The following PMFBP1 variants were observed in gnomAD, a reference collection of about 807,000 sequenced individuals.
The protein encoded by PMFBP1 is polyamine modulated factor 1 binding protein 1, also known as polyamine-modulated factor 1-binding protein 1.
A neutral mutation model predicts 137.8 loss-of-function variants in PMFBP1; 131 were observed. The observed-to-expected ratio is 0.95, with a 90% CI of 0.82 to 1.10. PMFBP1 has a LOEUF of 1.10. Ranked by LOEUF, PMFBP1 falls within the 50% of genes least tolerant of loss-of-function variation. The pLI is 0.00. For synonymous variants in PMFBP1, 490 were observed against 450.4 expected, an observed-to-expected ratio of 1.09 and a Z score of -1.11; for missense variants, 1,199 against 1,175.4, an observed-to-expected ratio of 1.02 and a Z score of -0.29.
At chr16:72,227,752 T>G in the PMFBP1 span, among the ~76,000 whole-genome samples, 2 of 152,168 alleles carry the variant, frequency 1.3e-5, no homozygotes, top group African/African-American at 4.8e-5. Flanking sequence ...TAATCCTCAT[T>G]AAGCCTCAGT....
Position 72,125,319 on chromosome 16 carries a change from G to C in PMFBP1, c.2340C>G (p.Ile780Met). The C allele has an allele frequency of 6.2e-7, 1 of 1,614,108 alleles. No individual in the cohort carries two copies. Among genetic ancestry groups the C allele is most frequent in the Non-Finnish European group, 8.5e-7 (1 of 1,180,010 alleles). ...QEKKAQLEEE[I>M]IAYEERMKKL... ...TTTTCATCCTTTCCTCATAAGCAATGATTTCCTCTTCCAGCTGAGCTTTCT... is the reference window on the plus strand; with the variant it reads ...TTTTCATCCTTTCCTCATAAGCAATCATTTCCTCTTCCAGCTGAGCTTTCT... Residue 780 changes from isoleucine to methionine, a missense_variant, in exon 16 of 21, where the codon ATC becomes ATG. Transcript: ENST00000237353.
chr16:72,187,410 A>G, the PMFBP1 span, among the ~76,000 whole-genome samples: 2 of 152,302 alleles, frequency 1.3e-5, no homozygotes, highest in South Asian at 2.1e-4. Flanking sequence ...CAATGTCTAC[A>G]TGATATTATC....
At chr16:72,171,076 C>T (rs1310524925) in intron 2 of PMFBP1, 121 bp downstream of exon 2, 3 of 1,181,422 alleles carry the variant, frequency 2.5e-6, no homozygotes, top group East Asian at 2.4e-5. Flanking sequence ...TGCTCTGCTG[C>T]CCACCTCTGT....
At chr16:72,247,738 G>C in the PMFBP1 span, among the ~76,000 whole-genome samples, 1 of 152,092 alleles carries the variant, frequency 6.6e-6, no homozygotes, top group Non-Finnish European at 1.5e-5. Context: ...GGGATACAAA[G>C]AGCTTAATTT....
At chr16:72,140,928 C>CTTTTTTTTTTTTTTTTTTTTTT (rs35908141) in intron 5 of PMFBP1, among the ~76,000 whole-genome samples, 1 of 69,796 alleles carries the variant, frequency 1.4e-5, no homozygotes, top group African/African-American at 5.8e-5. Flanking sequence ...ACAAATGAGT[C>CTTTTTTTTTTTTTTTTTTTTTT]TTTTTTTTTT....
the PMFBP1 span, among the ~76,000 whole-genome samples, chr16:72,191,203 AT>A: frequency 6.6e-6 from 1 of 152,210 alleles, no homozygotes; most frequent in Admixed American, 6.5e-5. Context: ...CAGATTCTGT[AT>A]TTTATTAAAG....
At chr16:72,213,165 G>C in the PMFBP1 span, among the ~76,000 whole-genome samples, 2 of 144,328 alleles carry the variant, frequency 1.4e-5, no homozygotes, top group Non-Finnish European at 3.0e-5. Flanking sequence ...ACTCTCACTA[G>C]AGATTAACTG....
At chr16:72,134,566 G>A (rs1263442473) in intron 9 of PMFBP1, among the ~76,000 whole-genome samples, 1 of 152,172 alleles carries the variant, frequency 6.6e-6, no homozygotes, top group Non-Finnish European at 1.5e-5. Flanking sequence ...TTAGAAAAAG[G>A]AGGGAGTCCT....
chr16:72,154,155 T>C, intron 4 of PMFBP1, 56 bp downstream of exon 4: 1 of 1,589,608 alleles, frequency 6.3e-7, no homozygotes, highest in South Asian at 1.1e-5. Context: ...GGGCTTGGTC[T>C]GATTTCTGCA....
intron 14 of PMFBP1, 51 bp from the exon 15 acceptor site, chr16:72,126,183 G>C: frequency 6.3e-7 from 1 of 1,587,358 alleles, no homozygotes; most frequent in South Asian, 1.1e-5. Flanking sequence ...GGGTCATAGA[G>C]GCATTCTCTG....
chr16:72,231,312 T>C, the PMFBP1 span, among the ~76,000 whole-genome samples: 1 of 152,146 alleles, frequency 6.6e-6, no homozygotes, highest in Non-Finnish European at 1.5e-5. Flanking sequence ...ACACATACAT[T>C]ACTACAGTCT....
the PMFBP1 span, among the ~76,000 whole-genome samples, chr16:72,230,041 T>C: frequency 6.6e-6 from 1 of 152,182 alleles, no homozygotes; most frequent in Admixed American, 6.5e-5. Context: ...TATTTTCTCA[T>C]CTGTAAATGG....
the PMFBP1 span, among the ~76,000 whole-genome samples, chr16:72,243,290 A>C: frequency 6.6e-6 from 1 of 152,184 alleles, no homozygotes; most frequent in African/African-American, 2.4e-5. Context: ...CCTTCCTTAC[A>C]ATGAGGCACC....
the PMFBP1 span, among the ~76,000 whole-genome samples, chr16:72,198,674 A>G: frequency 6.6e-6 from 1 of 152,156 alleles, no homozygotes; most frequent in South Asian, 2.1e-4. Context: ...GTGCTGAAAT[A>G]TAATTCCCAC....
intron 3 of PMFBP1, among the ~76,000 whole-genome samples, chr16:72,157,099 A>C (rs1047755750): frequency 6.7e-6 from 1 of 149,588 alleles, no homozygotes; most frequent in African/African-American, 2.5e-5. Context: ...TGAGGCAGGA[A>C]AATGGCGTGA....
At position 72,128,684 on chromosome 16, in the gene PMFBP1, C is replaced by T; in HGVS notation, c.2061G>A (p.Gln687=). The T allele has an allele frequency of 4.3e-6, 7 of 1,614,178 alleles. No homozygotes were observed. In the South Asian group the frequency reaches 6.6e-5, roughly 15 times the overall value. Residue 687 remains glutamine, a synonymous_variant, in exon 14 of 21, where the codon CAG becomes CAA. Coordinates refer to ENST00000237353, the MANE Select transcript of PMFBP1 (RefSeq NM_031293.3). ...CTTTATTCAAGTCTTGGATGACTTG[C>T]TGGCTGGTGTTGTATTTGTTGAGAG... ...ESSLNKYNTS[Q]QVIQDLNKEI... is the part of the protein sequence containing the mutation.
At chr16:72,185,720 G>C in the PMFBP1 span, among the ~76,000 whole-genome samples, 2 of 152,178 alleles carry the variant, frequency 1.3e-5, no homozygotes, top group Non-Finnish European at 2.9e-5. Flanking sequence ...TCTGAAGTGA[G>C]TAGAGAAATA....
chr16:72,209,866 AT>A, the PMFBP1 span, among the ~76,000 whole-genome samples: 1 of 152,182 alleles, frequency 6.6e-6, no homozygotes, highest in South Asian at 2.1e-4. Flanking sequence ...GCAGCAGGGC[AT>A]GTTTTCCCTG....
the PMFBP1 span, among the ~76,000 whole-genome samples, chr16:72,182,108 G>A: frequency 2.0e-5 from 3 of 152,220 alleles, no homozygotes; most frequent in Admixed American, 6.5e-5. Context: ...TTCTCATGGA[G>A]TCACTTTGCT....
Sources: gnomAD v4.1 joint callset for allele counts (sites outside exome capture counted in the v4.1 genomes callset) on GRCh38, gnomAD v4.1.1 for gene constraint, MANE v1.5 for transcripts, NCBI Gene and HGNC (gene_info 2026-07-23, HGNC 2026-07-21) for gene names.